Variants in TAFA4 observed in about 807,000 individuals in gnomAD.
TAFA4 encodes TAFA chemokine like family member 4, also known as chemokine-like protein TAFA-4.
In TAFA4, 20 loss-of-function variants were observed where a neutral mutation model predicts 21.1. The ratio of observed to expected loss-of-function variants is 0.95; its 90% CI spans 0.67 to 1.38. The LOEUF is 1.38. Among genes scored for constraint, TAFA4 ranks in the 40% most tolerant of loss-of-function variants. The probability of loss-of-function intolerance (pLI) is 0.00; values close to 1 mark genes in which losing one functional copy is unlikely to be tolerated. For synonymous variants in TAFA4, 71 were observed against 67.4 expected (o/e 1.05, Z -0.26); for missense variants, 211 against 180.9 (o/e 1.17, Z -0.95).
At chr3:68,766,973 T>A (rs1192415861) in intron 3 of TAFA4, among the ~76,000 whole-genome samples, 1 of 152,148 alleles carries the variant, frequency 6.6e-6, no homozygotes, top group Non-Finnish European at 1.5e-5. Context: ...TGAAAAAGAT[T>A]TCCACACCCA....
intron 2 of TAFA4, among the ~76,000 whole-genome samples, chr3:68,881,124 A>G (rs1263059464): frequency 6.6e-6 from 1 of 152,234 alleles, no homozygotes; most frequent in Non-Finnish European, 1.5e-5. Context: ...TTACCCTAAT[A>G]GAGCATGGGG....
chr3:68,922,913 C>A (rs1472446560), intron 1 of TAFA4, among the ~76,000 whole-genome samples: 1 of 152,164 alleles, frequency 6.6e-6, no homozygotes, highest in African/African-American at 2.4e-5. Flanking sequence ...GATTAACTAA[C>A]ATGCTAGGCC....
chr3:68,905,114 G>A (rs893847378), intron 1 of TAFA4, among the ~76,000 whole-genome samples: 1 of 150,564 alleles, frequency 6.6e-6, no homozygotes, highest in Non-Finnish European at 1.5e-5. Flanking sequence ...CCAGACACTG[G>A]GACAGCACAA....
At chr3:68,789,758 C>T (rs1703328908) in intron 3 of TAFA4, among the ~76,000 whole-genome samples, 1 of 152,204 alleles carries the variant, frequency 6.6e-6, no homozygotes, top group Non-Finnish European at 1.5e-5. Flanking sequence ...GCAGTAGCCA[C>T]TGTAAAAATA....
intron 4 of TAFA4, among the ~76,000 whole-genome samples, chr3:68,751,211 G>A (rs1575594880): frequency 1.3e-5 from 2 of 152,294 alleles, no homozygotes; most frequent in South Asian, 4.1e-4. Context: ...GATCTTGCAG[G>A]GCTCGGCAAG....
chr3:68,886,805 C>G (rs2089677550), intron 1 of TAFA4, among the ~76,000 whole-genome samples: 2 of 152,222 alleles, frequency 1.3e-5, no homozygotes, highest in Non-Finnish European at 2.9e-5. Context: ...TGTAACAGAA[C>G]AGAAATTGAG....
intron 5 of TAFA4, among the ~76,000 whole-genome samples, chr3:68,736,107 A>AGTGATTTGCT (rs1348892713): frequency 6.6e-6 from 1 of 152,156 alleles, no homozygotes; most frequent in African/African-American, 2.4e-5. Flanking sequence ...TAAGATTCAA[A>AGTGATTTGCT]GTGATTTGCT....
intron 3 of TAFA4, among the ~76,000 whole-genome samples, chr3:68,836,758 G>A (rs751205104): frequency 2.0e-5 from 3 of 150,240 alleles, no homozygotes; most frequent in Non-Finnish European, 2.9e-5. Flanking sequence ...TTTGTATAGC[G>A]AGAAAACACT....
At chr3:68,782,897 G>A (rs887629156) in intron 3 of TAFA4, among the ~76,000 whole-genome samples, 1 of 152,094 alleles carries the variant, frequency 6.6e-6, no homozygotes, top group Non-Finnish European at 1.5e-5. Flanking sequence ...TTAAAAATGT[G>A]TATTTTACAA....
rs1003792715 is a variant in TAFA4, at chr3:68,731,838, T to TCTTTCCATTC, written c.*1294_*1303dup. On this transcript the variant is annotated 3_prime_UTR_variant, in exon 6 of 6. Transcript: ENST00000295569. ...AATATTCAAAAATTACGCCAACAAA[T>TCTTTCCATTC]CTTTCCATTCCTTTCCATTCCCTCT... 1.3e-5 allele frequency: 2 copies of TCTTTCCATTC among 151,910 alleles called. No homozygotes were observed. The highest frequency in any genetic ancestry group is 4.8e-5 in the African/African-American group (2 of 41,484). The allele number at this position is 151,910 out of a possible 1,614,324, so 9.4% of individuals were successfully genotyped here.
At chr3:68,810,306 G>T (rs1703805261) in intron 3 of TAFA4, among the ~76,000 whole-genome samples, 1 of 152,126 alleles carries the variant, frequency 6.6e-6, no homozygotes, top group South Asian at 2.1e-4. Context: ...ATCTCACTGG[G>T]GAGTGTCGGA....
chr3:68,850,730 G>GT (rs111820322), intron 3 of TAFA4, among the ~76,000 whole-genome samples: 67,711 of 149,610 alleles, frequency 0.45, 15,620 homozygotes, highest in African/African-American at 0.51. Context: ...TTTTAACAGG[G>GT]TTTTTTTTTT....
chr3:68,743,980 T>C (rs1320858720), intron 4 of TAFA4, among the ~76,000 whole-genome samples: 1 of 152,182 alleles, frequency 6.6e-6, no homozygotes, highest in African/African-American at 2.4e-5. Context: ...AAATAAGAGA[T>C]GGCCCCCAGA....
intron 3 of TAFA4, among the ~76,000 whole-genome samples, chr3:68,878,614 T>C (rs2106947329): frequency 6.6e-6 from 1 of 152,294 alleles, no homozygotes; most frequent in Non-Finnish European, 1.5e-5. Flanking sequence ...AGCCCTGGCC[T>C]CCTTTTAAAA....
At position 68,794,554 on chromosome 3, in the gene TAFA4, G is replaced by T. The variant is rs78176817; in HGVS notation, c.131-41536C>A. 7.7e-3 allele frequency among the ~76,000 whole-genome samples: 1,176 copies of T among 152,102 alleles called. 17 individuals carry two copies. Among genetic ancestry groups the T allele is most frequent in the African/African-American group, 0.026 (1,094 of 41,468 alleles). On this transcript the variant is annotated intron_variant, in intron 3 of 5. Coordinates refer to ENST00000295569, the MANE Select transcript of TAFA4 (RefSeq NM_182522.5). ...CCCCTCTCCTTAGCACTTTCATATC[G>T]TTTCTATTTTCTGTGACTCCCTCTT...
chr3:68,784,907 C>T (rs2106802947), intron 3 of TAFA4, among the ~76,000 whole-genome samples: 2 of 152,260 alleles, frequency 1.3e-5, no homozygotes, highest in African/African-American at 4.8e-5. Context: ...TCCAAGTCCC[C>T]ACCAGAGTAG....
chr3:68,766,185 T>C (rs1702851142), intron 3 of TAFA4, among the ~76,000 whole-genome samples: 1 of 152,126 alleles, frequency 6.6e-6, no homozygotes, highest in South Asian at 2.1e-4. Context: ...ACTTACAATA[T>C]GCCAGGTACC....
intron 3 of TAFA4, among the ~76,000 whole-genome samples, chr3:68,776,428 C>T (rs1354117914): frequency 6.6e-6 from 1 of 152,082 alleles, no homozygotes. Flanking sequence ...TAAAGAGGAA[C>T]ATTTCATTAT....
intron 1 of TAFA4, among the ~76,000 whole-genome samples, chr3:68,893,345 T>G (rs928559795): frequency 2.6e-5 from 4 of 152,194 alleles, no homozygotes. Context: ...TGGGAGTCTA[T>G]TTACTTATAA....
Sources: allele counts gnomAD v4.1 joint callset (sites outside exome capture counted in the v4.1 genomes callset), GRCh38; gene constraint gnomAD v4.1.1; transcripts MANE v1.5; gene names NCBI Gene and HGNC (gene_info 2026-07-23, HGNC 2026-07-21).